The following RIMS2 variants were observed in gnomAD, a reference collection of about 807,000 sequenced individuals.
The protein encoded by RIMS2 is regulating synaptic membrane exocytosis protein 2.
A neutral mutation model predicts 174.4 loss-of-function variants in RIMS2; 59 were observed. That is an observed-to-expected ratio of 0.34 (90% CI 0.27 to 0.42). RIMS2 has a LOEUF of 0.42. RIMS2 is among the 10% of genes least tolerant of loss of function. The pLI is 1.00. For synonymous variants in RIMS2, 606 were observed against 572.5 expected (o/e 1.06, Z -0.84); for missense variants, 1,620 against 1,666.3 (o/e 0.97, Z 0.48).
At chr8:103,956,840 G>T (rs2087443158) in intron 14 of RIMS2, among the ~76,000 whole-genome samples, 1 of 152,124 alleles carries the variant, frequency 6.6e-6, no homozygotes, top group Non-Finnish European at 1.5e-5. Context: ...GAAAACTTTT[G>T]CAATCTGTCC....
intron 2 of RIMS2, among the ~76,000 whole-genome samples, 163 bp downstream of exon 4, chr8:103,697,459 A>G (rs2097117225): frequency 6.6e-6 from 1 of 152,036 alleles, no homozygotes; most frequent in Non-Finnish European, 1.5e-5. Context: ...CTGTAATCTT[A>G]GCCCTTTGGT....
At chr8:103,969,861 G>T (rs535842638) in intron 15 of RIMS2, among the ~76,000 whole-genome samples, 117 of 152,178 alleles carry the variant, frequency 7.7e-4, no homozygotes, top group African/African-American at 2.6e-3. Context: ...GAGTCCCCCA[G>T]CTTCAGCCTC....
intron 17 of RIMS2, among the ~76,000 whole-genome samples, chr8:104,007,907 C>T (rs1466369620): frequency 6.6e-6 from 1 of 152,136 alleles, no homozygotes; most frequent in Admixed American, 6.5e-5. Context: ...GTGACTGCTA[C>T]TGGCAGCAGG....
At chr8:104,119,074 G>A (rs539421127) in intron 19 of RIMS2, among the ~76,000 whole-genome samples, 1 of 151,996 alleles carries the variant, frequency 6.6e-6, no homozygotes, top group East Asian at 1.9e-4. Context: ...TAGGCCAGGC[G>A]TGGTGGCTCA....
At chr8:104,099,129 G>C (rs917910304) in intron 19 of RIMS2, among the ~76,000 whole-genome samples, 1 of 152,176 alleles carries the variant, frequency 6.6e-6, no homozygotes. Context: ...ATAAATTTGA[G>C]GTAATTGGTT....
rs953116797 is a variant in RIMS2 at position 103,506,221 on chromosome 8, CTT to C, written c.176+5160_176+5161del. Reference sequence around the variant, plus strand: ...AGAAAACAAGCAAACAAAAAATTGACTTATATTTTATGAAAGAGTACCCAATA... The same window carrying C: ...AGAAAACAAGCAAACAAAAAATTGACATATTTTATGAAAGAGTACCCAATA... On this transcript the variant is annotated intron_variant, in intron 1 of 23. Coordinates refer to ENST00000504942, the Ensembl canonical transcript of RIMS2. Among the ~76,000 whole-genome samples the C allele has an allele frequency of 5.3e-4, 81 of 152,068 alleles. 2 individuals are homozygous for C. The Middle Eastern group carries it at 0.031, about 57-fold the overall frequency.
intron 19 of RIMS2, among the ~76,000 whole-genome samples, chr8:104,056,578 G>A (rs1410343616): frequency 6.6e-6 from 1 of 152,096 alleles, no homozygotes; most frequent in African/African-American, 2.4e-5. Flanking sequence ...TTCAACCAGT[G>A]CTGTTTTTTA....
chr8:104,060,863 CATGTAGTTGAGCGG>C (rs2096972100), intron 19 of RIMS2, among the ~76,000 whole-genome samples: 1 of 151,998 alleles, frequency 6.6e-6, no homozygotes, highest in South Asian at 2.1e-4. Flanking sequence ...GTTCAGTTTC[CATGTAGTTGAGCGG>C]TTTTGAGTGA....
At chr8:104,178,790 AAGT>A (rs1328267915) in intron 19 of RIMS2, among the ~76,000 whole-genome samples, 283 of 152,262 alleles carry the variant, frequency 1.9e-3, no homozygotes, top group African/African-American at 6.3e-3. Flanking sequence ...AATTAAGAAA[AAGT>A]TTGTACACCC....
chr8:103,502,132 T>A (rs1200449045), intron 1 of RIMS2, among the ~76,000 whole-genome samples: 3 of 152,236 alleles, frequency 2.0e-5, no homozygotes, highest in Non-Finnish European at 4.4e-5. Flanking sequence ...AGATGATTCT[T>A]TTGCGTTTTG....
intron 1 of RIMS2, chr8:103,568,639 T>A (rs1007676707): frequency 3.2e-6 from 2 of 615,552 alleles, no homozygotes; most frequent in Admixed American, 4.0e-5. Context: ...GCAAGTGCAC[T>A]TTGTATCTTT....
intron 19 of RIMS2, among the ~76,000 whole-genome samples, chr8:104,039,318 A>C (rs1350080424): frequency 6.6e-6 from 1 of 151,684 alleles, no homozygotes; most frequent in African/African-American, 2.4e-5. Context: ...CCTGTGTTCT[A>C]TTTCTGGCTC....
At chr8:104,145,502 A>G (rs76554284) in intron 19 of RIMS2, among the ~76,000 whole-genome samples, 17 of 144,704 alleles carry the variant, frequency 1.2e-4, no homozygotes, top group Admixed American at 9.8e-4. Context: ...CACTTTTTCA[A>G]AAATCAAGAG....
At chr8:103,827,491 T>C (rs985287233) in intron 3 of RIMS2, among the ~76,000 whole-genome samples, 6 of 152,184 alleles carry the variant, frequency 3.9e-5, no homozygotes, top group African/African-American at 1.4e-4. Flanking sequence ...ACCAACAGTA[T>C]GTCAAACAGA....
intron 19 of RIMS2, among the ~76,000 whole-genome samples, chr8:104,129,902 T>A (rs1224323927): frequency 6.6e-6 from 1 of 152,232 alleles, no homozygotes; most frequent in Non-Finnish European, 1.5e-5. Context: ...TTGGTTGACA[T>A]CTATATATTT....
chr8:103,869,328 T>A (rs781261555), intron 3 of RIMS2, among the ~76,000 whole-genome samples: 8 of 152,102 alleles, frequency 5.3e-5, no homozygotes, highest in Non-Finnish European at 1.0e-4. Context: ...CCTGAGTAGC[T>A]GGGATTACAG....
chr8:103,664,766 C>A (rs913658710), intron 1 of RIMS2, among the ~76,000 whole-genome samples: 1 of 152,126 alleles, frequency 6.6e-6, no homozygotes, highest in Non-Finnish European at 1.5e-5. Context: ...CCCAGAAATC[C>A]TATTACTGGG....
chr8:103,508,542 G>C (rs1824831237), intron 1 of RIMS2, among the ~76,000 whole-genome samples: 1 of 151,884 alleles, frequency 6.6e-6, no homozygotes, highest in Admixed American at 6.6e-5. Context: ...GATTTAAATG[G>C]TGATGCGTCA....
chr8:104,054,948 T>G (rs540495368), intron 19 of RIMS2, among the ~76,000 whole-genome samples: 4 of 152,244 alleles, frequency 2.6e-5, no homozygotes, highest in African/African-American at 7.2e-5. Flanking sequence ...TTTAGTAATT[T>G]TGCCTTATTT....
Sources: allele counts gnomAD v4.1 joint callset (sites outside exome capture counted in the v4.1 genomes callset), GRCh38; gene constraint gnomAD v4.1.1; transcripts MANE v1.5; gene names NCBI Gene and HGNC (gene_info 2026-07-23, HGNC 2026-07-21).